Variants in ZNF704 observed in about 807,000 individuals in gnomAD.
ZNF704 encodes the protein zinc finger protein 704, also known as glucocorticoid induced gene 1.
Under a neutral mutation model 44.7 loss-of-function variants are expected in ZNF704, and 10 were observed. That is an observed-to-expected ratio of 0.22 (90% CI 0.14 to 0.38). ZNF704 has a LOEUF of 0.38. Among genes scored for constraint, ZNF704 ranks in the 10% least tolerant of loss-of-function variants. ZNF704 has a pLI of 1.00. For missense variants in ZNF704, 390 were observed against 545.5 expected (o/e 0.71, Z 2.84); for synonymous variants, 211 against 207.6 (o/e 1.02, Z -0.14).
At chr8:80,813,784 CAGA>C (rs1808130254) in intron 2 of ZNF704, among the ~76,000 whole-genome samples, 1 of 151,994 alleles carries the variant, frequency 6.6e-6, no homozygotes, top group African/African-American at 2.4e-5. Flanking sequence ...GAGGCTGAAG[CAGA>C]AGAATGGCGT....
chr8:80,774,512 G>A (rs768581912), intron 2 of ZNF704, among the ~76,000 whole-genome samples: 5 of 152,132 alleles, frequency 3.3e-5, no homozygotes, highest in Non-Finnish European at 5.9e-5. Context: ...GCAGCACTGC[G>A]TTACTGTGTG....
At chr8:80,778,162 A>C (rs1156981179) in intron 2 of ZNF704, among the ~76,000 whole-genome samples, 1 of 152,212 alleles carries the variant, frequency 6.6e-6, no homozygotes, top group African/African-American at 2.4e-5. Context: ...GAACTTAAAC[A>C]AATTGAAAGA....
chr8:80,853,527 AC>A (rs1469820809), intron 1 of ZNF704, among the ~76,000 whole-genome samples: 2 of 152,196 alleles, frequency 1.3e-5, no homozygotes, highest in Non-Finnish European at 2.9e-5. Context: ...TGGAAAACAG[AC>A]TTAAATGAGG....
At chr8:80,693,389 G>A (rs1479444497) in intron 2 of ZNF704, among the ~76,000 whole-genome samples, 1 of 152,228 alleles carries the variant, frequency 6.6e-6, no homozygotes, top group Non-Finnish European at 1.5e-5. Context: ...CTAGCCACGA[G>A]TGATATGAGG....
At chr8:80,773,244 TCTTA>T (rs1356319676) in intron 2 of ZNF704, among the ~76,000 whole-genome samples, 2 of 152,206 alleles carry the variant, frequency 1.3e-5, no homozygotes, top group Non-Finnish European at 2.9e-5. Context: ...CTTTTGAGAC[TCTTA>T]CTTTTATTTA....
chr8:80,863,075 T>C (rs1809096615), intron 1 of ZNF704, among the ~76,000 whole-genome samples: 2 of 152,144 alleles, frequency 1.3e-5, no homozygotes, highest in South Asian at 2.1e-4. Context: ...GTAACTAATA[T>C]ATGATAAAAC....
intron 5 of ZNF704, among the ~76,000 whole-genome samples, chr8:80,667,766 TTCCTAGGTTCAAACCCTGAC>T (rs1818218536): frequency 6.6e-6 from 1 of 152,198 alleles, no homozygotes; most frequent in Non-Finnish European, 1.5e-5. Flanking sequence ...GAGGTTAGAC[TTCCTAGGTTCAAACCCTGAC>T]TCCTACACAT....
intron 2 of ZNF704, among the ~76,000 whole-genome samples, chr8:80,806,097 A>C (rs1284697575): frequency 1.3e-5 from 2 of 152,210 alleles, no homozygotes; most frequent in East Asian, 3.8e-4. Context: ...ACAAGAAGGA[A>C]GACTATTAGC....
At chr8:80,883,413 C>T in the ZNF704 span, among the ~76,000 whole-genome samples, 1 of 152,108 alleles carries the variant, frequency 6.6e-6, no homozygotes, top group East Asian at 1.9e-4. Flanking sequence ...GAACATTCTG[C>T]AGTGATGGAA....
At chr8:80,857,340 G>A (rs10108294) in intron 1 of ZNF704, among the ~76,000 whole-genome samples, 1 of 152,130 alleles carries the variant, frequency 6.6e-6, no homozygotes, top group South Asian at 2.1e-4. Flanking sequence ...GCTATTAAAT[G>A]TGAGGTTAAT....
intron 4 of ZNF704, among the ~76,000 whole-genome samples, chr8:80,680,820 G>T (rs1818441770): frequency 6.6e-6 from 1 of 152,126 alleles, no homozygotes; most frequent in African/African-American, 2.4e-5. Context: ...TCTTCAAGGT[G>T]TGTGGGGTTA....
chr8:80,664,492 A>C (rs1332296139), intron 6 of ZNF704, among the ~76,000 whole-genome samples: 1 of 150,982 alleles, frequency 6.6e-6, no homozygotes, highest in Admixed American at 6.6e-5. Context: ...GCTGGTCTCG[A>C]ACTCCCGACC....
intron 2 of ZNF704, among the ~76,000 whole-genome samples, chr8:80,760,607 G>A (rs1807112121): frequency 7.4e-6 from 1 of 134,608 alleles, no homozygotes; most frequent in South Asian, 2.6e-4. Flanking sequence ...AGTGAGCCGA[G>A]ATTGTGTCAC....
intron 2 of ZNF704, among the ~76,000 whole-genome samples, chr8:80,696,761 A>T (rs529877122): frequency 1.3e-5 from 2 of 152,262 alleles, no homozygotes; most frequent in Admixed American, 1.3e-4. Context: ...ATAATGTAAG[A>T]TATTGGGGAT....
intron 1 of ZNF704, among the ~76,000 whole-genome samples, chr8:80,837,580 G>C (rs779602342): frequency 7.0e-6 from 1 of 143,076 alleles, no homozygotes; most frequent in Non-Finnish European, 1.5e-5. Context: ...AGGTATGCCC[G>C]AAACACTTCT....
intron 2 of ZNF704, among the ~76,000 whole-genome samples, chr8:80,701,928 A>G (rs1365224073): frequency 6.6e-6 from 1 of 152,114 alleles, no homozygotes. Flanking sequence ...CTTGGCCATG[A>G]AGGGAAGGGA....
intron 4 of ZNF704, among the ~76,000 whole-genome samples, chr8:80,673,822 G>A (rs1402269504): frequency 2.0e-5 from 3 of 152,258 alleles, no homozygotes; most frequent in African/African-American, 7.2e-5. Context: ...CATTGCAGCA[G>A]TCTGCTAGAG....
chr8:80,787,380 C>A (rs561119982), intron 2 of ZNF704, among the ~76,000 whole-genome samples: 1 of 152,300 alleles, frequency 6.6e-6, no homozygotes, highest in East Asian at 1.9e-4. Context: ...ATGTCACCAG[C>A]AATCCAGGAG....
chr8:80,803,670 T>C (rs962826513), intron 2 of ZNF704, among the ~76,000 whole-genome samples: 7 of 152,126 alleles, frequency 4.6e-5, no homozygotes, highest in Non-Finnish European at 1.0e-4. Flanking sequence ...TTACACCATA[T>C]ACAAAAATTA....
Sources: allele counts gnomAD v4.1 joint callset (sites outside exome capture counted in the v4.1 genomes callset), GRCh38; gene constraint gnomAD v4.1.1; transcripts MANE v1.5; gene names NCBI Gene and HGNC (gene_info 2026-07-23, HGNC 2026-07-21).